STRN3: variants seen among roughly 807,000 people sequenced by gnomAD.
STRN3 encodes the protein striatin 3.
STRN3 carries 29 observed loss-of-function variants against 95.6 expected under a neutral mutation model. The ratio of observed to expected loss-of-function variants is 0.30; its 90% CI spans 0.23 to 0.41. The LOEUF (loss-of-function observed/expected upper bound fraction) is 0.41, where lower values mean the gene tolerates loss of function less well. Ranked by LOEUF, STRN3 falls within the 10% of genes least tolerant of loss-of-function variation. STRN3 has a pLI of 1.00. For missense variants in STRN3, 890 were observed against 972.1 expected (o/e 0.92, Z 1.12); for synonymous variants, 331 against 357.6 (o/e 0.93, Z 0.84).
intron 8 of STRN3, among the ~76,000 whole-genome samples, chr14:30,921,069 T>TACACACACAC (rs367677158): frequency 0.02 from 2,431 of 119,872 alleles, 40 homozygotes; most frequent in East Asian, 0.068. Context: ...TACACATACA[T>TACACACACAC]ATACACACAC....
chr14:30,919,235 A>G, intron 8 of STRN3, 129 bp from the exon 9 acceptor site: 1 of 1,010,004 alleles, frequency 9.9e-7, no homozygotes, highest in Non-Finnish European at 1.4e-6. Flanking sequence ...TCAGAAAATT[A>G]AAGATGTCTT....
intron 1 of STRN3, among the ~76,000 whole-genome samples, chr14:30,991,098 G>A (rs1881932399): frequency 6.6e-6 from 1 of 152,160 alleles, no homozygotes; most frequent in Non-Finnish European, 1.5e-5. Context: ...AAACAGGCCA[G>A]CAGTATTTCT....
At chr14:30,936,687 G>T in intron 5 of STRN3, 63 bp from the exon 6 acceptor site, 2 of 1,535,930 alleles carry the variant, frequency 1.3e-6, no homozygotes, top group East Asian at 2.3e-5. Context: ...ATTTCTTTCT[G>T]GTTCCCATTT....
At chr14:30,942,673 G>A (rs1457622379) in intron 5 of STRN3, among the ~76,000 whole-genome samples, 1 of 152,110 alleles carries the variant, frequency 6.6e-6, no homozygotes, top group Non-Finnish European at 1.5e-5. Flanking sequence ...TCCTTATAAA[G>A]TAGATGCTTT....
rs114065226 is a variant in STRN3 at position 31,005,581 on chromosome 14, T to C, written c.282+20323A>G. Among the ~76,000 whole-genome samples, 1,267 of 152,332 alleles carry C rather than the reference T, an allele frequency of 8.3e-3. 12 individuals carry two copies. The highest frequency in any genetic ancestry group is 0.025 in the African/African-American group (1,021 of 41,592). On this transcript the variant is annotated intron_variant, in intron 1 of 17. Coordinates refer to ENST00000357479, the MANE Select transcript of STRN3 (RefSeq NM_001083893.2). ...ATAGTGAATTGGGGTCTCGAGTTTT[T>C]AGTTTCTTCTCACAATACTAATGGA...
intron 14 of STRN3, 69 bp downstream of exon 14, chr14:30,906,808 A>T: frequency 7.1e-7 from 1 of 1,417,046 alleles, no homozygotes; most frequent in Non-Finnish European, 9.6e-7. Context: ...TACATCAATT[A>T]CTTTGTCCTT....
chr14:31,018,102 A>T (rs1041739777), intron 1 of STRN3, among the ~76,000 whole-genome samples: 5 of 150,520 alleles, frequency 3.3e-5, no homozygotes, highest in African/African-American at 1.2e-4. Context: ...AAAAAAAGGA[A>T]ATTAATTTAA....
chr14:30,986,062 T>A (rs1045829188), intron 1 of STRN3, among the ~76,000 whole-genome samples: 2 of 152,126 alleles, frequency 1.3e-5, no homozygotes, highest in African/African-American at 4.8e-5. Flanking sequence ...ATCTTTCTAT[T>A]AAAGAGAAAT....
Position 30,913,458 on chromosome 14 carries a change from G to T in STRN3, c.1374+66C>A, listed in dbSNP as rs567971307. ...CCTTGATATTAATTCTGTTTTATAAGTGATTCCAAAAAATAAGGAGCCTTC... is the reference window on the plus strand; with the variant it reads ...CCTTGATATTAATTCTGTTTTATAATTGATTCCAAAAAATAAGGAGCCTTC... On this transcript the variant is annotated intron_variant, in intron 10 of 17. Coordinates refer to ENST00000357479, the MANE Select transcript of STRN3 (RefSeq NM_001083893.2). The T allele has an allele frequency of 3.1e-5, 45 of 1,446,802 alleles. 1 individual carries two copies. The South Asian group carries it at 6.3e-4, about 20-fold the overall frequency. The allele number at this position is 1,446,802 out of a possible 1,614,324, so 89.6% of individuals were successfully genotyped here. A position where few individuals can be genotyped will look rare whatever the true frequency, so the allele number is the denominator to read the frequency against.
rs780808499 is a variant in STRN3, at chr14:30,912,023, T to C, written c.1534A>G (p.Thr512Ala). Residue 512 changes from threonine to alanine, a missense_variant, in exon 11 of 18, where the codon ACA becomes GCA. By Grantham distance (58) the Thr-to-Ala change is moderately conservative. Transcript: ENST00000357479. Reference sequence around the variant, plus strand: ...AATACTTGCTTTTTGGCAGGAACTGTTTTTTGCAGGTTCCAAAGTTTCAGG... The same window carrying C: ...AATACTTGCTTTTTGGCAGGAACTGCTTTTTGCAGGTTCCAAAGTTTCAGG... ...HTLKLWNLQK[T>A]VPAKKSASLD... is the part of the protein sequence containing the mutation. 17 of 1,609,048 alleles carry C rather than the reference T, an allele frequency of 1.1e-5. No homozygotes were observed. In the South Asian group the frequency reaches 1.5e-4, roughly 14 times the overall value.
At chr14:31,013,268 G>T (rs758306389) in intron 1 of STRN3, among the ~76,000 whole-genome samples, 1 of 151,906 alleles carries the variant, frequency 6.6e-6, no homozygotes, top group African/African-American at 2.4e-5. Flanking sequence ...CCAAACTTGC[G>T]AGGCTGAGGT....
intron 5 of STRN3, among the ~76,000 whole-genome samples, chr14:30,941,340 A>G (rs760037766): frequency 6.6e-6 from 1 of 152,182 alleles, no homozygotes; most frequent in Non-Finnish European, 1.5e-5. Flanking sequence ...GGCCTTTCCT[A>G]TTAATGTGAT....
chr14:30,928,658 A>G (rs1878313076), intron 8 of STRN3, among the ~76,000 whole-genome samples: 1 of 152,164 alleles, frequency 6.6e-6, no homozygotes, highest in African/African-American at 2.4e-5. Context: ...TGCCACCACT[A>G]ACCTCCCACT....
chr14:30,899,612 G>A (rs1444283097), intron 16 of STRN3, among the ~76,000 whole-genome samples: 1 of 152,076 alleles, frequency 6.6e-6, no homozygotes, highest in African/African-American at 2.4e-5. Context: ...TCCTGAGAAA[G>A]TTTCCACCAC....
chr14:30,964,087 C>T (rs955559721), intron 1 of STRN3, among the ~76,000 whole-genome samples: 7 of 151,826 alleles, frequency 4.6e-5, no homozygotes, highest in Non-Finnish European at 1.0e-4. Context: ...CCCCATCTCT[C>T]GTAAAAATAC....
intron 1 of STRN3, among the ~76,000 whole-genome samples, chr14:31,009,946 T>A (rs1043814309): frequency 1.5e-4 from 22 of 151,652 alleles, no homozygotes; most frequent in African/African-American, 3.9e-4. Context: ...GAAAAAAAAA[T>A]TTTTTAAGTA....
intron 3 of STRN3, among the ~76,000 whole-genome samples, chr14:30,954,857 C>A (rs1020058516): frequency 1.3e-5 from 2 of 150,340 alleles, no homozygotes; most frequent in Non-Finnish European, 2.9e-5. Flanking sequence ...CCCTACAGTT[C>A]TAGAAGTGCC....
At chr14:30,951,563 T>C (rs561843535) in intron 3 of STRN3, among the ~76,000 whole-genome samples, 1 of 152,268 alleles carries the variant, frequency 6.6e-6, no homozygotes, top group Admixed American at 6.5e-5. Flanking sequence ...AGAATTCCGC[T>C]AAGTCGATTG....
intron 16 of STRN3, among the ~76,000 whole-genome samples, chr14:30,900,962 CT>C (rs1896298672): frequency 6.6e-6 from 1 of 152,052 alleles, no homozygotes; most frequent in Non-Finnish European, 1.5e-5. Flanking sequence ...AGATGCTCAC[CT>C]TTTGCTTTTA....
Sources: allele counts gnomAD v4.1 joint callset (sites outside exome capture counted in the v4.1 genomes callset), GRCh38; gene constraint gnomAD v4.1.1; transcripts MANE v1.5; gene names NCBI Gene and HGNC (gene_info 2026-07-23, HGNC 2026-07-21).